The following TOX variants were observed in gnomAD, a reference collection of about 807,000 sequenced individuals.
TOX encodes thymocyte selection associated high mobility group box.
Under a neutral mutation model 53.7 loss-of-function variants are expected in TOX, and 11 were observed. That is an observed-to-expected ratio of 0.20 (90% CI 0.13 to 0.34). The LOEUF (loss-of-function observed/expected upper bound fraction) is 0.34, where lower values mean the gene tolerates loss of function less well. Among genes scored for constraint, TOX ranks in the 10% least tolerant of loss-of-function variants. The probability of loss-of-function intolerance (pLI) is 1.00; values close to 1 mark genes in which losing one functional copy is unlikely to be tolerated. For missense variants in TOX, 570 were observed against 664.6 expected (o/e 0.86, Z 1.56); for synonymous variants, 225 against 245.3 (o/e 0.92, Z 0.77).
chr8:58,895,624 T>C (rs554395178), intron 3 of TOX, among the ~76,000 whole-genome samples: 23 of 152,344 alleles, frequency 1.5e-4, no homozygotes, highest in African/African-American at 5.3e-4. Context: ...GACTGAATTT[T>C]GTCTGACCTT....
rs1316943040 is a variant in TOX at position 58,807,378 on chromosome 8, C to T, written c.*369G>A. 4.8e-6 allele frequency: 1 copy of T among 207,958 alleles called. No individual in the cohort carries two copies. The highest frequency in any genetic ancestry group is 9.9e-6 in the Non-Finnish European group (1 of 101,270). 12.9% of individuals were successfully genotyped at this position (207,958 alleles called of 1,614,324 possible). ...TGCTACATCAAGCCATTTAAAAAGTCTTTAGTAGTTTCATATAAACACCCA... is the reference window on the plus strand; with the variant it reads ...TGCTACATCAAGCCATTTAAAAAGTTTTTAGTAGTTTCATATAAACACCCA... On this transcript the variant is annotated 3_prime_UTR_variant, in exon 9 of 9. Coordinates refer to ENST00000361421, the MANE Select transcript of TOX (RefSeq NM_014729.3).
chr8:58,989,773 A>G (rs1813406178), intron 1 of TOX, among the ~76,000 whole-genome samples: 1 of 152,200 alleles, frequency 6.6e-6, no homozygotes, highest in Admixed American at 6.5e-5. Context: ...CTTCCTTTTG[A>G]ACTAAAAAGA....
chr8:58,833,233 A>G (rs543858934), intron 5 of TOX, among the ~76,000 whole-genome samples: 2 of 152,348 alleles, frequency 1.3e-5, no homozygotes, highest in Non-Finnish European at 2.9e-5. Context: ...TGTGTCTCCA[A>G]TTAGGAACTT....
chr8:58,979,261 A>G (rs1813158575), intron 1 of TOX, among the ~76,000 whole-genome samples: 1 of 152,204 alleles, frequency 6.6e-6, no homozygotes, highest in Non-Finnish European at 1.5e-5. Flanking sequence ...AAATATCCCC[A>G]ATAGTCTTTC....
At chr8:58,861,653 T>G (rs761878296) in intron 3 of TOX, among the ~76,000 whole-genome samples, 3 of 152,174 alleles carry the variant, frequency 2.0e-5, no homozygotes, top group Non-Finnish European at 4.4e-5. Flanking sequence ...ATAAGAAAAT[T>G]GGGACGTACT....
intron 1 of TOX, among the ~76,000 whole-genome samples, chr8:59,062,162 G>A (rs909570540): frequency 2.0e-5 from 3 of 152,140 alleles, no homozygotes; most frequent in East Asian, 1.9e-4. Context: ...GAAAGGTTGC[G>A]AAGCAGTGTG....
chr8:58,882,367 A>C (rs941433886), intron 3 of TOX, among the ~76,000 whole-genome samples: 9 of 152,092 alleles, frequency 5.9e-5, no homozygotes, highest in Non-Finnish European at 8.8e-5. Context: ...CACACCAAAC[A>C]ACAATAGGAA....
chr8:58,874,433 C>G (rs11987939), intron 3 of TOX, among the ~76,000 whole-genome samples: 1 of 152,032 alleles, frequency 6.6e-6, no homozygotes, highest in African/African-American at 2.4e-5. Context: ...ACTTTGTGAG[C>G]GCTAAGGTAA....
At chr8:59,034,399 T>C (rs1187499096) in intron 1 of TOX, among the ~76,000 whole-genome samples, 1 of 152,240 alleles carries the variant, frequency 6.6e-6, no homozygotes, top group Non-Finnish European at 1.5e-5. Context: ...CTGGAGAATA[T>C]AGCCTTATCC....
At chr8:58,864,686 C>T (rs1276297828) in intron 3 of TOX, among the ~76,000 whole-genome samples, 1 of 152,132 alleles carries the variant, frequency 6.6e-6, no homozygotes, top group Non-Finnish European at 1.5e-5. Context: ...TCAATCAGTG[C>T]CTTTCACTTG....
chr8:59,092,295 ATATATAT>A lies in TOX; in HGVS notation c.102+26584_102+26590del, dbSNP rs1236268941. ...TATATATATATATTATATATACATT[ATATATAT>A]TATATATTATATATACATATATATA... On this transcript the variant is annotated intron_variant, in intron 1 of 8. Coordinates refer to ENST00000361421, the MANE Select transcript of TOX (RefSeq NM_014729.3). Among the ~76,000 whole-genome samples, 30 of 113,216 alleles carry A rather than the reference ATATATAT, an allele frequency of 2.6e-4. No homozygotes were observed. The Middle Eastern group carries it at 0.011, about 42-fold the overall frequency. 74.3% of individuals were successfully genotyped at this position (113,216 alleles called of 152,430 possible). A position where few individuals can be genotyped will look rare whatever the true frequency, so the allele number is the denominator to read the frequency against.
In TOX at chr8:58,973,858, C is replaced by T. The variant is rs571245162; in HGVS notation, c.103-13850G>A. Among the ~76,000 whole-genome samples, 8 of 151,660 alleles carry T rather than the reference C, an allele frequency of 5.3e-5. No homozygotes were observed. The South Asian group carries it at 8.3e-4, about 16-fold the overall frequency. ...TGTCACCCAGGCTGGAGTGTAGTGGCGCGATCTCAGCTCACTGCAACCTCT... is the reference window on the plus strand; with the variant it reads ...TGTCACCCAGGCTGGAGTGTAGTGGTGCGATCTCAGCTCACTGCAACCTCT... On this transcript the variant is annotated intron_variant, in intron 1 of 8. Transcript: ENST00000361421.
rs114383409 is a variant in TOX, at chr8:58,904,869, A to G, written c.411+34433T>C. On this transcript the variant is annotated intron_variant, in intron 3 of 8. Transcript: ENST00000361421. ...GGAGAGCACGCTGCAGAGGGAATAGAACATGGCTCAGGGAATGCATCTTGT... is the reference window on the plus strand; with the variant it reads ...GGAGAGCACGCTGCAGAGGGAATAGGACATGGCTCAGGGAATGCATCTTGT... Among the ~76,000 whole-genome samples the G allele has an allele frequency of 5.6e-3, 858 of 152,350 alleles. 8 individuals carry two copies. The highest frequency in any genetic ancestry group is 0.019 in the African/African-American group (802 of 41,582).
chr8:58,833,168 G>A (rs941918228), intron 5 of TOX, among the ~76,000 whole-genome samples: 1 of 152,200 alleles, frequency 6.6e-6, no homozygotes, highest in Admixed American at 6.5e-5. Context: ...GCCATTTAAT[G>A]TAATGTAAAC....
At chr8:58,817,170 C>T (rs1425554748) in intron 6 of TOX, among the ~76,000 whole-genome samples, 1 of 152,112 alleles carries the variant, frequency 6.6e-6, no homozygotes. Flanking sequence ...GTAAGGTGTA[C>T]TGAAATAATT....
chr8:58,962,426 G>A (rs908106088), intron 1 of TOX, among the ~76,000 whole-genome samples: 11 of 152,092 alleles, frequency 7.2e-5, no homozygotes, highest in African/African-American at 2.2e-4. Context: ...TACATTTTAC[G>A]AAAGAAGATA....
At chr8:58,950,956 A>G (rs1395332270) in intron 2 of TOX, among the ~76,000 whole-genome samples, 2 of 152,210 alleles carry the variant, frequency 1.3e-5, no homozygotes, top group African/African-American at 4.8e-5. Flanking sequence ...GTGCACAAGT[A>G]TGAAATTACT....
chr8:58,978,468 C>A (rs1169118220), intron 1 of TOX, among the ~76,000 whole-genome samples: 1 of 152,142 alleles, frequency 6.6e-6, no homozygotes, highest in Non-Finnish European at 1.5e-5. Context: ...TGGTCTTAGA[C>A]CATCTTAGAC....
chr8:58,888,825 G>A (rs922258301), intron 3 of TOX, among the ~76,000 whole-genome samples: 1 of 151,948 alleles, frequency 6.6e-6, no homozygotes, highest in Non-Finnish European at 1.5e-5. Context: ...ATTACTCAAT[G>A]CATGTCATTG....
Sources: allele counts gnomAD v4.1 joint callset (sites outside exome capture counted in the v4.1 genomes callset), GRCh38; gene constraint gnomAD v4.1.1; transcripts MANE v1.5; gene names NCBI Gene and HGNC (gene_info 2026-07-23, HGNC 2026-07-21).